Variants in PARP15 observed in about 807,000 individuals in gnomAD.
The protein encoded by PARP15 is protein mono-ADP-ribosyltransferase PARP15.
In PARP15, 50 loss-of-function variants were observed where a neutral mutation model predicts 62.1. The observed-to-expected ratio is 0.81, with a 90% CI of 0.64 to 1.02. The LOEUF is 1.02. Among genes scored for constraint, PARP15 ranks in the 50% least tolerant of loss-of-function variants. The pLI is 0.00. For missense variants in PARP15, 820 were observed against 826.5 expected, an observed-to-expected ratio of 0.99 and a Z score of 0.10; for synonymous variants, 309 against 293.1, an observed-to-expected ratio of 1.05 and a Z score of -0.55.
rs1446466651 is a variant in PARP15, at chr3:122,632,189, C to G, written c.1542C>G (p.Thr514=). 3.1e-6 allele frequency: 5 copies of G among 1,613,316 alleles called. No homozygotes were observed. The African/African-American group carries it at 6.7e-5, about 22-fold the overall frequency. Residue 514 remains threonine (T), a synonymous_variant, in exon 10 of 12, where the codon ACC becomes ACG. Transcript: ENST00000464300. ...ATAATACCATAAAGGACAAGTTCAC[C>G]CGAACTTGTTCTTCCTACGCAATAG... is the stretch of plus-strand genomic sequence containing the variant. ...SEYNTIKDKF[T]RTCSSYAIEK...
chr3:122,621,388 G>A, intron 7 of PARP15, 56 bp from the exon 8 acceptor site: 1 of 1,521,220 alleles, frequency 6.6e-7, no homozygotes, highest in South Asian at 1.3e-5. Context: ...AAAAATCAAA[G>A]TGTTGCCTCC....
intron 10 of PARP15, among the ~76,000 whole-genome samples, chr3:122,632,665 C>CT (rs1438472798): frequency 2.0e-5 from 3 of 152,216 alleles, no homozygotes; most frequent in Non-Finnish European, 4.4e-5. Flanking sequence ...TAGGGGGTCT[C>CT]TGTTTTCTCA....
intron 1 of PARP15, among the ~76,000 whole-genome samples, chr3:122,584,066 G>A (rs985868699): frequency 6.6e-6 from 1 of 152,074 alleles, no homozygotes; most frequent in Non-Finnish European, 1.5e-5. Context: ...AGCAATTGTA[G>A]CATTCACCTT....
At position 122,613,469 on chromosome 3, in the gene PARP15, A is replaced by G. The variant is rs189871025; in HGVS notation, c.771+201A>G. ...AGACAGTTCATCAAGAGACAAGCTA[A>G]TCTGTAATAAATACATTCTTAGAAA... On this transcript the variant is annotated intron_variant, in intron 4 of 11. Transcript: ENST00000464300. Among the ~76,000 whole-genome samples, 488 of 152,364 alleles carry G rather than the reference A, an allele frequency of 3.2e-3. 4 individuals are homozygous for G. The highest frequency in any genetic ancestry group is 0.011 in the African/African-American group (465 of 41,568).
chr3:122,596,569 C>A (rs1934374841), intron 1 of PARP15, among the ~76,000 whole-genome samples: 1 of 152,046 alleles, frequency 6.6e-6, no homozygotes. Flanking sequence ...TTTGGGAAAT[C>A]CTGTTCACCT....
chr3:122,632,318 A>G (rs1937106363), intron 10 of PARP15, 99 bp downstream of exon 10: 2 of 1,159,988 alleles, frequency 1.7e-6, no homozygotes, highest in Non-Finnish European at 1.2e-6. Context: ...GTACCTTACT[A>G]TGTTTATTTT....
chr3:122,582,377 A>G (rs907100373), intron 1 of PARP15, among the ~76,000 whole-genome samples: 1 of 152,066 alleles, frequency 6.6e-6, no homozygotes, highest in Non-Finnish European at 1.5e-5. Context: ...GGGTCTCACT[A>G]TATTGCCCAG....
intron 2 of PARP15, among the ~76,000 whole-genome samples, chr3:122,606,539 C>G (rs924412585): frequency 6.6e-6 from 1 of 152,212 alleles, no homozygotes; most frequent in Non-Finnish European, 1.5e-5. Context: ...TACCCCTCCT[C>G]TCCTACTGTT....
chr3:122,636,047 G>A lies in PARP15; in HGVS notation c.1984G>A (p.Val662Ile). Reference sequence around the variant, plus strand: ...TACACGATCTCCAAAGCTATTTGTGGTATTCTTTGATAATCAGGCTTACCC... The same window carrying A: ...TACACGATCTCCAAAGCTATTTGTGATATTCTTTGATAATCAGGCTTACCC... ...NNTRSPKLFVVFFDNQAYPEY... is the reference protein window; with the variant it reads ...NNTRSPKLFVIFFDNQAYPEY... The change falls in exon 12 of 12, where the codon GTA becomes ATA. Residue 662 changes from valine (V) to isoleucine (I), a missense_variant. Around this residue, in one of 3 missense-constraint regions of PARP15, gnomAD observed 84 missense variants for 79.7 expected, o/e 1.05. Coordinates refer to ENST00000464300, the MANE Select transcript of PARP15 (RefSeq NM_001113523.3). 1 of 1,613,920 alleles carries A rather than the reference G, an allele frequency of 6.2e-7. No homozygotes were observed.
intron 8 of PARP15, among the ~76,000 whole-genome samples, chr3:122,626,416 T>A (rs1203779123): frequency 6.6e-6 from 1 of 152,062 alleles, no homozygotes; most frequent in African/African-American, 2.4e-5. Context: ...GCCAGGATGG[T>A]TTCAATCTCC....
intron 1 of PARP15, among the ~76,000 whole-genome samples, chr3:122,581,179 C>T (rs1241475644): frequency 6.6e-6 from 1 of 152,154 alleles, no homozygotes; most frequent in Non-Finnish European, 1.5e-5. Context: ...TGACAGATTA[C>T]TGTATCTCTT....
chr3:122,631,215 G>T (rs1010656019), intron 9 of PARP15, among the ~76,000 whole-genome samples: 5 of 152,192 alleles, frequency 3.3e-5, no homozygotes, highest in Non-Finnish European at 7.4e-5. Context: ...CAGAAATCAC[G>T]CACCTTATTG....
chr3:122,631,575 C>A (rs1937063008), intron 9 of PARP15, among the ~76,000 whole-genome samples: 1 of 152,168 alleles, frequency 6.6e-6, no homozygotes. Context: ...GCATGATCAC[C>A]TTATGGGAAA....
intron 5 of PARP15, among the ~76,000 whole-genome samples, chr3:122,616,109 G>A (rs1935948036): frequency 6.6e-6 from 1 of 152,158 alleles, no homozygotes; most frequent in Non-Finnish European, 1.5e-5. Context: ...ACCGTGCCTG[G>A]CACACTATAC....
Position 122,577,716 on chromosome 3 carries a change from C to A in PARP15, c.49C>A (p.Pro17Thr). 1 of 1,551,704 alleles carries A rather than the reference C, an allele frequency of 6.4e-7. No individual in the cohort carries two copies. Among genetic ancestry groups the A allele is most frequent in the Non-Finnish European group, 8.7e-7 (1 of 1,146,974 alleles). ...TGCCGCTGCTCTGAGTCCAGGGGCT[C>A]CGACCCCCAGAGAACTTATGCACGG... ...LPAAALSPGA[P>T]TPRELMHGVA... Residue 17 changes from proline to threonine, a missense_variant, in exon 1 of 12, where the codon CCG becomes ACG. This residue lies in a region of PARP15 where 731 missense variants were observed against 727.7 expected (regional missense o/e 1.00). Transcript: ENST00000464300.
intron 4 of PARP15, among the ~76,000 whole-genome samples, chr3:122,614,523 C>T (rs1935807999): frequency 1.3e-5 from 2 of 152,076 alleles, no homozygotes; most frequent in South Asian, 4.2e-4. Flanking sequence ...ACATTTACCC[C>T]CAAAGGTTCT....
intron 1 of PARP15, among the ~76,000 whole-genome samples, chr3:122,602,856 A>C (rs1384846772): frequency 1.3e-5 from 2 of 152,226 alleles, no homozygotes; most frequent in East Asian, 3.8e-4. Context: ...CCATTAGTTG[A>C]GGATTACCTC....
intron 1 of PARP15, among the ~76,000 whole-genome samples, chr3:122,595,194 A>G (rs927223980): frequency 1.3e-5 from 2 of 152,134 alleles, no homozygotes; most frequent in Non-Finnish European, 2.9e-5. Flanking sequence ...GTAACAAAAC[A>G]AAAGCTTCCC....
rs1250751974 is a variant in PARP15 at position 122,637,923 on chromosome 3, A to G, written c.*1823A>G. On this transcript the variant is annotated 3_prime_UTR_variant, in exon 12 of 12. Coordinates refer to ENST00000464300, the MANE Select transcript of PARP15 (RefSeq NM_001113523.3). The stretch of plus-strand genomic sequence containing the variant: ...AGTAACTCATCATTTAGCATTAGGT[A>G]TATCTCCAAATGCTATCCCTCTCCC... The G allele has an allele frequency of 6.6e-5, 10 of 152,120 alleles. No homozygotes were observed. In the East Asian group the frequency reaches 1.5e-3, roughly 23 times the overall value. 9.4% of individuals were successfully genotyped at this position (152,120 alleles called of 1,614,324 possible). A position where few individuals can be genotyped will look rare whatever the true frequency, so the allele number is the denominator to read the frequency against.
Sources: allele counts gnomAD v4.1 joint callset (sites outside exome capture counted in the v4.1 genomes callset), GRCh38; gene constraint gnomAD v4.1.1; regional missense constraint gnomAD v4.1.1; transcripts MANE v1.5; gene names NCBI Gene and HGNC (gene_info 2026-07-23, HGNC 2026-07-21).